Variants in DNAJC10 observed in about 807,000 individuals in gnomAD.
DNAJC10 encodes the protein DnaJ heat shock protein family (Hsp40) member C10, also known as endoplasmic reticulum disulfide reductase DNAJC10.
In DNAJC10, 101 loss-of-function variants were observed where a neutral mutation model predicts 115.0. The ratio of observed to expected loss-of-function variants is 0.88; its 90% CI spans 0.75 to 1.04. The LOEUF (loss-of-function observed/expected upper bound fraction) is 1.04. DNAJC10 is among the 50% of genes least tolerant of loss of function. The pLI is 0.00. For synonymous variants in DNAJC10, 307 were observed against 301.5 expected (o/e 1.02, Z -0.19); for missense variants, 981 against 928.8 (o/e 1.06, Z -0.73).
chr2:182,756,005 C>T (rs1022308309), intron 17 of DNAJC10, among the ~76,000 whole-genome samples: 2 of 152,058 alleles, frequency 1.3e-5, no homozygotes, highest in Non-Finnish European at 2.9e-5. Flanking sequence ...AGATAATTCA[C>T]ATTGGATTTC....
At chr2:182,758,749 T>A in intron 19 of DNAJC10, 88 bp from the exon 20 acceptor site, 1 of 959,990 alleles carries the variant, frequency 1.0e-6, no homozygotes, top group Non-Finnish European at 1.7e-6. Context: ...ATATAACTTA[T>A]TTTTTAAATT....
At chr2:182,730,030 G>A in intron 8 of DNAJC10, 89 bp downstream of exon 8, 2 of 815,982 alleles carry the variant, frequency 2.5e-6, no homozygotes, top group Non-Finnish European at 3.9e-6. Context: ...TTTTGGTCAT[G>A]GTATTGAAAT....
At chr2:182,749,179 G>C in intron 14 of DNAJC10, among the ~76,000 whole-genome samples, 3 of 147,602 alleles carry the variant, frequency 2.0e-5, no homozygotes, top group African/African-American at 7.6e-5. Context: ...GGTCTGCTTG[G>C]TGCAGAGCTG....
chr2:182,776,065 A>G (rs1368481081), intron 23 of DNAJC10, among the ~76,000 whole-genome samples: 1 of 152,164 alleles, frequency 6.6e-6, no homozygotes, highest in Non-Finnish European at 1.5e-5. Flanking sequence ...ACAACTCTGA[A>G]TATACCAAAA....
At position 182,781,966 on chromosome 2, in the gene DNAJC10, T is replaced by C. The variant is rs1438196344; in HGVS notation, c.*4834T>C. ...AAGCTCTTTAATTAGATCCCATTTA[T>C]CTGTTTTGGCTTTTATTGCCATTGC... On this transcript the variant is annotated 3_prime_UTR_variant, in exon 24 of 24. Transcript: ENST00000264065. The C allele has an allele frequency of 3.3e-5, 5 of 152,242 alleles. No homozygotes were observed. The highest frequency in any genetic ancestry group is 6.5e-5 in the Admixed American group (1 of 15,284). 9.4% of individuals were successfully genotyped at this position (152,242 alleles called of 1,614,324 possible). A position where few individuals can be genotyped will look rare whatever the true frequency, so the allele number is the denominator to read the frequency against.
Position 182,775,416 on chromosome 2 carries a change from A to AT in DNAJC10, c.2367dup (p.Lys790Ter), listed in dbSNP as rs1190978624. 6.2e-7 allele frequency: 1 copy of AT among 1,608,528 alleles called. No individual in the cohort carries two copies. The highest frequency in any genetic ancestry group is 1.1e-5 in the South Asian group (1 of 90,840). On this transcript the variant is annotated frameshift_variant, in exon 23 of 24. Coordinates refer to ENST00000264065, the MANE Select transcript of DNAJC10 (RefSeq NM_018981.4). LOFTEE classifies it high-confidence loss of function. ...ACTCTCCGAAATCAAGGCAAGAGGA[A>AT]TAAGGTATGGACTAAGCCTAGAGTT...
intron 14 of DNAJC10, among the ~76,000 whole-genome samples, chr2:182,744,775 G>A (rs984808321): frequency 2.0e-5 from 3 of 152,156 alleles, no homozygotes; most frequent in African/African-American, 4.8e-5. Flanking sequence ...AACTAGCCAT[G>A]GTAGATTTTG....
Position 182,743,673 on chromosome 2 carries a change from T to G in DNAJC10, c.1267T>G (p.Phe423Val), listed in dbSNP as rs1267995873. The change falls in exon 14 of 24, where the codon TTT becomes GTT. Residue 423 changes from phenylalanine (F) to valine (V), a missense_variant. By Grantham distance (50) the Phe-to-Val change is conservative (BLOSUM62 -1). Transcript: ENST00000264065. ...TGTTTTTCAGCCGTCTCTAGCAGTATTTAAAGGACAAGGAACCAAAGAATA... is the reference window on the plus strand; with the variant it reads ...TGTTTTTCAGCCGTCTCTAGCAGTAGTTAAAGGACAAGGAACCAAAGAATA... ...LYVFQPSLAV[F>V]KGQGTKEYEI... 1 of 1,613,176 alleles carries G rather than the reference T, an allele frequency of 6.2e-7. No individual in the cohort carries two copies. The highest frequency in any genetic ancestry group is 8.5e-7 in the Non-Finnish European group (1 of 1,179,358).
chr2:182,720,919 C>G (rs1458523709), intron 4 of DNAJC10, among the ~76,000 whole-genome samples: 2 of 151,964 alleles, frequency 1.3e-5, no homozygotes, highest in African/African-American at 4.8e-5. Flanking sequence ...GGTGTTTTGG[C>G]CTTCGGTTGA....
chr2:182,730,658 C>A, intron 8 of DNAJC10: 1 of 397,708 alleles, frequency 2.5e-6, no homozygotes, highest in Non-Finnish European at 4.9e-6. Context: ...CTTAGGAGAT[C>A]ACTGTGTATT....
rs1195459665 is a variant in DNAJC10 at position 182,732,553 on chromosome 2, A to G, written c.849+11A>G. The stretch of plus-strand genomic sequence containing the variant: ...CTTAGTGGCATGTTGGTAAGCATCA[A>G]TCATTTTGTAAAACTATATCACCAT... On this transcript the variant is annotated intron_variant, in intron 10 of 23. Transcript: ENST00000264065. The G allele has an allele frequency of 1.9e-6, 3 of 1,612,392 alleles. No individual in the cohort carries two copies. The highest frequency in any genetic ancestry group is 2.5e-6 in the Non-Finnish European group (3 of 1,178,712).
At chr2:182,761,742 G>A (rs1009322405) in intron 21 of DNAJC10, among the ~76,000 whole-genome samples, 1 of 152,108 alleles carries the variant, frequency 6.6e-6, no homozygotes, top group Non-Finnish European at 1.5e-5. Flanking sequence ...AGGCCAATGC[G>A]TGGTTAGATA....
Position 182,720,150 on chromosome 2 carries a change from C to G in DNAJC10, c.348C>G (p.Asn116Lys). Residue 116 changes from asparagine to lysine, a missense_variant, in exon 4 of 24, where the codon AAC becomes AAG. By Grantham distance (94) the Asn-to-Lys change is moderately conservative (BLOSUM62 0). Coordinates refer to ENST00000264065, the MANE Select transcript of DNAJC10 (RefSeq NM_018981.4). ...DNQGGQYESW[N>K]YYRYDFGIYD... ...AAGGTGGCCAGTATGAAAGCTGGAA[C>G]TATTATCGTTATGATTTTGGTAAGG... The G allele has an allele frequency of 1.2e-6, 2 of 1,608,060 alleles. No individual in the cohort carries two copies. Among genetic ancestry groups the G allele is most frequent in the Non-Finnish European group, 1.7e-6 (2 of 1,177,994 alleles).
At chr2:182,737,551 C>T (rs528602344) in intron 11 of DNAJC10, among the ~76,000 whole-genome samples, 8 of 152,254 alleles carry the variant, frequency 5.3e-5, no homozygotes, top group African/African-American at 1.7e-4. Context: ...GTGACTCAAA[C>T]CTCTGTTCTC....
intron 11 of DNAJC10, among the ~76,000 whole-genome samples, chr2:182,736,894 C>A (rs186673016): frequency 6.6e-6 from 1 of 152,052 alleles, no homozygotes; most frequent in Non-Finnish European, 1.5e-5. Context: ...GGATTACAGG[C>A]GCCTGCCATC....
Position 182,754,628 on chromosome 2 carries a change from T to C in DNAJC10, c.1552-375T>C, listed in dbSNP as rs1256245869. 1.4e-5 allele frequency: 4 copies of C among 292,060 alleles called. No homozygotes were observed. In the South Asian group the frequency reaches 5.2e-4, roughly 38 times the overall value. 18.1% of individuals were successfully genotyped at this position (292,060 alleles called of 1,614,324 possible). A position where few individuals can be genotyped will look rare whatever the true frequency, so the allele number is the denominator to read the frequency against. On this transcript the variant is annotated intron_variant, in intron 16 of 23. Coordinates refer to ENST00000264065, the MANE Select transcript of DNAJC10 (RefSeq NM_018981.4). Reference sequence around the variant, plus strand: ...CATCATCTATTTCTAGAAAAAGTATTTATTATGGTTTAAAAAAAAGACTCA... The same window carrying C: ...CATCATCTATTTCTAGAAAAAGTATCTATTATGGTTTAAAAAAAAGACTCA...
At chr2:182,748,355 G>T (rs1413069827) in intron 14 of DNAJC10, among the ~76,000 whole-genome samples, 10 of 152,120 alleles carry the variant, frequency 6.6e-5, no homozygotes, top group African/African-American at 2.2e-4. Flanking sequence ...GAATCCATCT[G>T]GTCCTGGACT....
chr2:182,762,877 T>G, intron 22 of DNAJC10, 76 bp downstream of exon 22: 1 of 1,470,684 alleles, frequency 6.8e-7, no homozygotes. Context: ...GAGTAATGTT[T>G]TTTTTCTGTT....
rs2105643498 is a variant in DNAJC10, at chr2:182,740,083, A to G, written c.988-216A>G. On this transcript the variant is annotated intron_variant, in intron 11 of 23. Transcript: ENST00000264065. The stretch of plus-strand genomic sequence containing the variant: ...AACATCTTATAATGGAATTTATTGT[A>G]TATCACTATTTAAGAAACAGCTTAG... The G allele has an allele frequency of 3.8e-6, 4 of 1,056,972 alleles. 1 individual carries two copies. The Middle Eastern group carries it at 1.2e-3, about 319-fold the overall frequency. 65.5% of individuals were successfully genotyped at this position (1,056,972 alleles called of 1,614,324 possible).
Sources: gnomAD v4.1 joint callset for allele counts (sites outside exome capture counted in the v4.1 genomes callset) on GRCh38, gnomAD v4.1.1 for gene constraint, MANE v1.5 for transcripts, NCBI Gene and HGNC (gene_info 2026-07-23, HGNC 2026-07-21) for gene names.